Variants in RCOR1 observed in about 807,000 individuals in gnomAD.
The protein encoded by RCOR1 is REST corepressor 1.
A neutral mutation model predicts 64.0 loss-of-function variants in RCOR1; 12 were observed. That is an observed-to-expected ratio of 0.19 (90% CI 0.12 to 0.30). The LOEUF is 0.30. Ranked by LOEUF, RCOR1 falls within the 10% of genes least tolerant of loss-of-function variation. RCOR1 has a pLI of 1.00. For missense variants in RCOR1, 502 were observed against 621.2 expected, an observed-to-expected ratio of 0.81 and a Z score of 2.04; for synonymous variants, 279 against 227.2, an observed-to-expected ratio of 1.23 and a Z score of -2.05.
At chr14:102,677,274 T>A (rs1426820487) in intron 2 of RCOR1, among the ~76,000 whole-genome samples, 8 of 67,846 alleles carry the variant, frequency 1.2e-4, no homozygotes, top group East Asian at 5.4e-4. Flanking sequence ...CACTTCCCAG[T>A]CGGGGCGGCC....
Position 102,729,889 on chromosome 14 carries a change from C to A in RCOR1, c.*3383C>A, listed in dbSNP as rs533130470. The A allele has an allele frequency of 2.5e-6, 1 of 399,020 alleles. No homozygotes were observed. Among genetic ancestry groups the A allele is most frequent in the Non-Finnish European group, 4.4e-6 (1 of 226,074 alleles). The allele number at this position is 399,020 out of a possible 1,614,324, so 24.7% of individuals were successfully genotyped here. On this transcript the variant is annotated 3_prime_UTR_variant, in exon 12 of 12. Coordinates refer to ENST00000262241, the MANE Select transcript of RCOR1 (RefSeq NM_015156.4). ...TCTCTTGTCTAGCCTGTTTCTAAAC[C>A]GAATGATCCAGGATTCAAGCTTCTA...
intron 10 of RCOR1, 173 bp downstream of exon 10, chr14:102,721,550 T>TA: frequency 2.4e-6 from 1 of 413,242 alleles, no homozygotes; most frequent in Non-Finnish European, 4.3e-6. Context: ...GACCCTGACT[T>TA]TAAAAAAAAA....
At position 102,710,932 on chromosome 14, in the gene RCOR1, C is replaced by T. The variant is rs1390297933; in HGVS notation, c.780-3C>T. The stretch of plus-strand genomic sequence containing the variant: ...CATTCAGTAACTTGTTCTTGTCTTC[C>T]AGCGAGGATGAACTGGAAGAGGCAA... On this transcript the variant is annotated splice_polypyrimidine_tract_variant and splice_region_variant and intron_variant, in intron 6 of 11. Coordinates refer to ENST00000262241, the MANE Select transcript of RCOR1 (RefSeq NM_015156.4). 1.9e-6 allele frequency: 3 copies of T among 1,593,798 alleles called. No individual in the cohort carries two copies. Among genetic ancestry groups the T allele is most frequent in the South Asian group, 1.2e-5 (1 of 86,822 alleles).
At chr14:102,686,423 A>G (rs1414367827) in intron 3 of RCOR1, among the ~76,000 whole-genome samples, 1 of 152,186 alleles carries the variant, frequency 6.6e-6, no homozygotes, top group Non-Finnish European at 1.5e-5. Flanking sequence ...CGTTTGTTAC[A>G]ATCAAGCAGC....
intron 2 of RCOR1, among the ~76,000 whole-genome samples, chr14:102,615,487 C>G (rs1374825005): frequency 7.2e-6 from 1 of 138,002 alleles, no homozygotes; most frequent in Non-Finnish European, 1.5e-5. Flanking sequence ...TCGCTCTTGT[C>G]GCTCAGGCTG....
intron 2 of RCOR1, among the ~76,000 whole-genome samples, chr14:102,632,145 CAGAA>C (rs1200794366): frequency 4.7e-5 from 7 of 150,492 alleles, no homozygotes; most frequent in African/African-American, 1.7e-4. Context: ...TGAATGATGA[CAGAA>C]AGAGTTTAAT....
At chr14:102,597,741 C>T (rs1893291472) in intron 2 of RCOR1, among the ~76,000 whole-genome samples, 1 of 145,926 alleles carries the variant, frequency 6.9e-6, no homozygotes, top group Admixed American at 7.2e-5. Flanking sequence ...TCAAGCAGTT[C>T]TCCTGCCTCA....
Position 102,714,655 on chromosome 14 carries a change from T to C in RCOR1, c.1053+38T>C, listed in dbSNP as rs907396899. The C allele has an allele frequency of 2.7e-6, 4 of 1,469,260 alleles. No homozygotes were observed. In the African/African-American group the frequency reaches 5.6e-5, roughly 21 times the overall value. The allele number at this position is 1,469,260 out of a possible 1,614,324, so 91.0% of individuals were successfully genotyped here. A position where few individuals can be genotyped will look rare whatever the true frequency, so the allele number is the denominator to read the frequency against. On this transcript the variant is annotated intron_variant, in intron 8 of 11. Coordinates refer to ENST00000262241, the MANE Select transcript of RCOR1 (RefSeq NM_015156.4). ...CTGGTCTTGGATGTAAAAGAATTAATTAGCACTTTAGAGGTGTTTCTGTTA... is the reference window on the plus strand; with the variant it reads ...CTGGTCTTGGATGTAAAAGAATTAACTAGCACTTTAGAGGTGTTTCTGTTA...
chr14:102,659,064 T>G (rs1382719692), intron 2 of RCOR1: 2 of 914,992 alleles, frequency 2.2e-6, no homozygotes, highest in African/African-American at 1.8e-5. Context: ...AATATTTACA[T>G]AAATTATTTG....
At chr14:102,636,736 G>A (rs1388163039) in intron 2 of RCOR1, among the ~76,000 whole-genome samples, 5 of 151,700 alleles carry the variant, frequency 3.3e-5, no homozygotes, top group Non-Finnish European at 7.4e-5. Flanking sequence ...TTTTGGGGCC[G>A]AGGCAGGCGG....
intron 2 of RCOR1, among the ~76,000 whole-genome samples, chr14:102,670,249 G>A (rs768203228): frequency 6.6e-6 from 1 of 152,024 alleles, no homozygotes. Context: ...CACTTCACCC[G>A]GCCAGAATTT....
At chr14:102,701,928 A>C (rs1895764939) in intron 4 of RCOR1, among the ~76,000 whole-genome samples, 1 of 152,188 alleles carries the variant, frequency 6.6e-6, no homozygotes, top group Non-Finnish European at 1.5e-5. Context: ...GGGCCTCCCA[A>C]AGTGTTGGGA....
chr14:102,692,071 TC>T (rs1895544169), intron 3 of RCOR1, among the ~76,000 whole-genome samples: 3 of 152,356 alleles, frequency 2.0e-5, no homozygotes, highest in African/African-American at 7.2e-5. Context: ...GTTAGACCAG[TC>T]TAGTGTGAGT....
At chr14:102,661,732 T>G (rs1894827210) in intron 2 of RCOR1, among the ~76,000 whole-genome samples, 2 of 152,162 alleles carry the variant, frequency 1.3e-5, no homozygotes, top group Admixed American at 1.3e-4. Context: ...AGTTAGCTTA[T>G]GGAAACATAA....
intron 2 of RCOR1, among the ~76,000 whole-genome samples, chr14:102,623,140 C>G (rs1373066257): frequency 6.6e-6 from 1 of 152,048 alleles, no homozygotes; most frequent in African/African-American, 2.4e-5. Context: ...CATTTAGTTT[C>G]ATTCACAGTT....
chr14:102,678,221 G>T (rs1250016978), intron 2 of RCOR1, among the ~76,000 whole-genome samples: 4 of 69,042 alleles, frequency 5.8e-5, no homozygotes, highest in African/African-American at 2.4e-4. Context: ...AGAGGGAGAC[G>T]AGAGGGAGAG....
Position 102,593,343 on chromosome 14 carries a change from C to T in RCOR1, c.361+18C>T. ...CGACCCCGGTGAGTAGCGGCCCCGGCCGGCCGGCGGCGGGGATGAGCGGGA... is the reference window on the plus strand; with the variant it reads ...CGACCCCGGTGAGTAGCGGCCCCGGTCGGCCGGCGGCGGGGATGAGCGGGA... On this transcript the variant is annotated intron_variant, in intron 2 of 11. Coordinates refer to ENST00000262241, the MANE Select transcript of RCOR1 (RefSeq NM_015156.4). The T allele has an allele frequency of 2.0e-6, 3 of 1,527,502 alleles. No homozygotes were observed. The highest frequency in any genetic ancestry group is 1.2e-5 in the South Asian group (1 of 82,422). 94.6% of individuals were successfully genotyped at this position (1,527,502 alleles called of 1,614,324 possible). A position where few individuals can be genotyped will look rare whatever the true frequency, so the allele number is the denominator to read the frequency against.
chr14:102,659,229 T>G, intron 2 of RCOR1: 1 of 985,136 alleles, frequency 1.0e-6, no homozygotes, highest in Non-Finnish European at 1.2e-6. Context: ...TATATTTGCA[T>G]ATGAACAAGT....
chr14:102,634,440 G>A (rs897751501), intron 2 of RCOR1, among the ~76,000 whole-genome samples: 4 of 152,046 alleles, frequency 2.6e-5, no homozygotes, highest in Admixed American at 1.3e-4. Flanking sequence ...GCAGATTTGA[G>A]TAATTATGTG....
Sources: allele counts gnomAD v4.1 joint callset (sites outside exome capture counted in the v4.1 genomes callset), GRCh38; gene constraint gnomAD v4.1.1; transcripts MANE v1.5; gene names NCBI Gene and HGNC (gene_info 2026-07-23, HGNC 2026-07-21).